The following KDM4C variants were observed in gnomAD, a reference collection of about 807,000 sequenced individuals.
KDM4C encodes lysine-specific demethylase 4C.
A neutral mutation model predicts 129.3 loss-of-function variants in KDM4C; 81 were observed. That is an observed-to-expected ratio of 0.63 (90% CI 0.52 to 0.75). The LOEUF is 0.75. Among genes scored for constraint, KDM4C ranks in the 30% least tolerant of loss-of-function variants. The pLI, the probability that KDM4C is intolerant of heterozygous loss-of-function variation, is 0.00. For missense variants in KDM4C, 1,457 were observed against 1,304.0 expected (o/e 1.12, Z -1.81); for synonymous variants, 573 against 456.1 (o/e 1.26, Z -3.26).
intron 18 of KDM4C, among the ~76,000 whole-genome samples, chr9:7,115,338 ATAAT>A (rs942361552): frequency 9.9e-5 from 15 of 152,172 alleles, no homozygotes; most frequent in African/African-American, 3.1e-4. Context: ...TTTTAAAAAA[ATAAT>A]TAAGGCACGC....
At chr9:6,722,397 G>A (rs768748834) in intron 1 of KDM4C, among the ~76,000 whole-genome samples, 1 of 152,146 alleles carries the variant, frequency 6.6e-6, no homozygotes, top group East Asian at 1.9e-4. Flanking sequence ...AGATTTGGAG[G>A]CTGGGCTTGG....
At chr9:7,147,361 C>A (rs572672157) in intron 19 of KDM4C, among the ~76,000 whole-genome samples, 1 of 152,296 alleles carries the variant, frequency 6.6e-6, no homozygotes, top group African/African-American at 2.4e-5. Flanking sequence ...CACAGGGCAG[C>A]CTTCTCTCCC....
At chr9:6,996,849 A>G (rs1340062273) in intron 12 of KDM4C, among the ~76,000 whole-genome samples, 1 of 152,182 alleles carries the variant, frequency 6.6e-6, no homozygotes, top group Non-Finnish European at 1.5e-5. Flanking sequence ...TGTGACAAAC[A>G]TTTCTTTTAT....
intron 21 of KDM4C, among the ~76,000 whole-genome samples, chr9:7,173,893 C>T (rs1332027673): frequency 1.3e-5 from 2 of 152,154 alleles, no homozygotes; most frequent in Non-Finnish European, 2.9e-5. Context: ...ACACTGAAGC[C>T]AGGGGTGTGG....
intron 12 of KDM4C, among the ~76,000 whole-genome samples, chr9:7,007,574 C>G (rs1821906588): frequency 2.6e-5 from 4 of 152,156 alleles, no homozygotes; most frequent in Non-Finnish European, 1.5e-5. Context: ...AAGCCTACAT[C>G]AGGTGTTTTT....
At chr9:7,014,953 C>CACACACACACACACA (rs757152128) in intron 14 of KDM4C, among the ~76,000 whole-genome samples, 1 of 146,610 alleles carries the variant, frequency 6.8e-6, no homozygotes, top group African/African-American at 2.5e-5. Context: ...CACACACACA[C>CACACACACACACACA]CTTACATTAT....
intron 12 of KDM4C, among the ~76,000 whole-genome samples, chr9:7,005,534 G>T (rs1821509338): frequency 6.7e-6 from 1 of 150,104 alleles, no homozygotes; most frequent in Non-Finnish European, 1.5e-5. Flanking sequence ...TAAAGGTAAG[G>T]GGACTAGGCT....
chr9:7,021,113 T>C (rs981404579), intron 15 of KDM4C, among the ~76,000 whole-genome samples: 3 of 131,982 alleles, frequency 2.3e-5, no homozygotes, highest in Admixed American at 8.0e-5. Flanking sequence ...TGTACATACA[T>C]ATATATATGT....
intron 17 of KDM4C, among the ~76,000 whole-genome samples, chr9:7,051,680 A>AT (rs1235984036): frequency 1.1e-4 from 16 of 152,076 alleles, no homozygotes; most frequent in African/African-American, 3.9e-4. Context: ...CAGTTTCAAT[A>AT]TTTTTTTCTG....
intron 12 of KDM4C, among the ~76,000 whole-genome samples, chr9:7,011,349 A>G (rs1822652034): frequency 6.6e-6 from 1 of 152,208 alleles, no homozygotes; most frequent in Non-Finnish European, 1.5e-5. Flanking sequence ...ATAATCTCAT[A>G]CACATAAACC....
In KDM4C at chr9:6,820,938, T is replaced by A. The variant is rs979220445; in HGVS notation, c.435+6193T>A. 2.6e-5 allele frequency among the ~76,000 whole-genome samples: 4 copies of A among 151,510 alleles called. No individual in the cohort carries two copies. The East Asian group carries it at 5.8e-4, about 22-fold the overall frequency. Reference sequence around the variant, plus strand: ...CCCTGTGTCCAAGTGATCTCATTGTTCAATTCCCACCTATGAGTAAGAACA... The same window carrying A: ...CCCTGTGTCCAAGTGATCTCATTGTACAATTCCCACCTATGAGTAAGAACA... On this transcript the variant is annotated intron_variant, in intron 4 of 21. Transcript: ENST00000381309.
chr9:7,000,601 A>G (rs771851022), intron 12 of KDM4C, among the ~76,000 whole-genome samples: 25 of 152,210 alleles, frequency 1.6e-4, no homozygotes, highest in Non-Finnish European at 3.2e-4. Context: ...GGTGCATTCA[A>G]TTCTTTAGAA....
chr9:7,074,444 G>A (rs1026558964), intron 17 of KDM4C, among the ~76,000 whole-genome samples: 1 of 152,018 alleles, frequency 6.6e-6, no homozygotes, highest in African/African-American at 2.4e-5. Context: ...TGGGATTACG[G>A]GTATGAGCCA....
intron 20 of KDM4C, among the ~76,000 whole-genome samples, chr9:7,169,196 T>C (rs1051542897): frequency 3.3e-5 from 5 of 151,646 alleles, no homozygotes; most frequent in Non-Finnish European, 7.4e-5. Context: ...CACAGTCTCA[T>C]GTTTTGTGAT....
chr9:7,105,599 G>A (rs1162794669), intron 18 of KDM4C: 13 of 390,262 alleles, frequency 3.3e-5, no homozygotes, highest in Admixed American at 2.6e-4. Context: ...GCAGGTGCTG[G>A]AATGTAAATG....
chr9:6,965,800 C>G (rs1018231103), intron 8 of KDM4C, among the ~76,000 whole-genome samples: 7 of 152,182 alleles, frequency 4.6e-5, no homozygotes, highest in Admixed American at 3.3e-4. Context: ...GCTTTACTCA[C>G]TCTACTGATT....
intron 12 of KDM4C, among the ~76,000 whole-genome samples, chr9:6,996,180 C>G (rs1819710395): frequency 6.6e-6 from 1 of 152,210 alleles, no homozygotes; most frequent in Admixed American, 6.5e-5. Flanking sequence ...TTCACACTCA[C>G]AAATGTTTTA....
At position 6,793,067 on chromosome 9, in the gene KDM4C, C is replaced by G. The variant is rs772334289; in HGVS notation, c.79C>G (p.Arg27Gly). 3 of 1,613,942 alleles carry G rather than the reference C, an allele frequency of 1.9e-6. No individual in the cohort carries two copies. Among genetic ancestry groups the G allele is most frequent in the Admixed American group, 1.7e-5 (1 of 59,982 alleles). The change falls in exon 2 of 22, where the codon CGG becomes GGG. Residue 27 changes from arginine (R) to glycine (G), a missense_variant. Coordinates refer to ENST00000381309, the MANE Select transcript of KDM4C (RefSeq NM_015061.6). The part of the protein sequence containing the change: ...MTFRPSMEEF[R>G]EFNKYLAYME... ...CTTCAGACCCTCCATGGAGGAGTTCCGGGAGTTCAACAAATACCTTGCATA... is the reference window on the plus strand; with the variant it reads ...CTTCAGACCCTCCATGGAGGAGTTCGGGGAGTTCAACAAATACCTTGCATA...
chr9:6,801,538 G>A (rs1161695573), intron 2 of KDM4C, among the ~76,000 whole-genome samples: 2 of 150,352 alleles, frequency 1.3e-5, no homozygotes, highest in African/African-American at 4.9e-5. Context: ...TGCCCAGCCT[G>A]ACCTTGTCTC....
Sources: gnomAD v4.1 joint callset for allele counts (sites outside exome capture counted in the v4.1 genomes callset) on GRCh38, gnomAD v4.1.1 for gene constraint, MANE v1.5 for transcripts, NCBI Gene and HGNC (gene_info 2026-07-23, HGNC 2026-07-21) for gene names.